Variants in CEACAM21 observed in about 807,000 individuals in gnomAD.
CEACAM21 encodes CEA cell adhesion molecule 21.
A neutral mutation model predicts 33.2 loss-of-function variants in CEACAM21; 38 were observed. The observed-to-expected ratio is 1.14, with a 90% CI of 0.88 to 1.50. The LOEUF is 1.50. Ranked by LOEUF, CEACAM21 falls within the 40% of genes most tolerant of loss-of-function variation. CEACAM21 has a pLI of 0.00. For synonymous variants in CEACAM21, 156 were observed against 143.0 expected (o/e 1.09, Z -0.65); for missense variants, 385 against 364.6 (o/e 1.06, Z -0.46).
intron 5 of CEACAM21, 79 bp downstream of exon 5, chr19:41,585,574 A>G (rs2070673333): frequency 3.4e-6 from 5 of 1,472,226 alleles, no homozygotes; most frequent in Non-Finnish European, 4.8e-6. Flanking sequence ...AGTTACACCC[A>G]GGGGCCTCTG....
Position 41,576,300 on chromosome 19 carries a change from A to C in CEACAM21, c.26A>C (p.His9Pro). 1 of 1,613,368 alleles carries C rather than the reference A, an allele frequency of 6.2e-7. No homozygotes were observed. The highest frequency in any genetic ancestry group is 2.2e-5 in the East Asian group (1 of 44,854). Reference sequence around the variant, plus strand: ...ATGGGGCCCCCCTCAGCTTGTCCCCACAGAGAATGCATCCCCTGGCAGGGG... The same window carrying C: ...ATGGGGCCCCCCTCAGCTTGTCCCCCCAGAGAATGCATCCCCTGGCAGGGG... MGPPSACP[H>P]RECIPWQGLL... Residue 9 changes from histidine to proline, a missense_variant, in exon 1 of 7, where the codon CAC (histidine) becomes CCC (proline). By Grantham distance (77) the His-to-Pro change is moderately conservative. Coordinates refer to ENST00000401445, the MANE Select transcript of CEACAM21 (RefSeq NM_001098506.4).
chr19:41,558,546 C>A (rs2041679230), intron 1 of CEACAM21, among the ~76,000 whole-genome samples: 1 of 152,106 alleles, frequency 6.6e-6, no homozygotes. Context: ...ACTCTGGAGG[C>A]TGAGGCAGGA....
chr19:41,577,289 C>A lies in CEACAM21; in HGVS notation c.154C>A (p.His52Asn). ...TGAAGTTGCTGAAGGGGAGAATGTTCATCTCTCTGTGGTTTATCTGCCCGA... is the reference window on the plus strand; with the variant it reads ...TGAAGTTGCTGAAGGGGAGAATGTTAATCTCTCTGTGGTTTATCTGCCCGA... ...PFEVAEGENV[H>N]LSVVYLPENL... is the part of the protein sequence containing the mutation. The change falls in exon 2 of 7, where the codon CAT becomes AAT. Residue 52 changes from histidine (H) to asparagine (N), a missense_variant. By Grantham distance (68) the His-to-Asn change is moderately conservative. Transcript: ENST00000401445. 1.2e-6 allele frequency: 2 copies of A among 1,614,106 alleles called. No homozygotes were observed. Among genetic ancestry groups the A allele is most frequent in the African/African-American group, 2.7e-5 (2 of 75,012 alleles).
chr19:41,585,665 C>T (rs972197684), intron 5 of CEACAM21, among the ~76,000 whole-genome samples, 170 bp downstream of exon 5: 13 of 152,124 alleles, frequency 8.5e-5, no homozygotes, highest in East Asian at 7.7e-4. Context: ...CCCTAACCTC[C>T]GGGCTCTGGG....
intron 2 of CEACAM21, among the ~76,000 whole-genome samples, chr19:41,567,875 A>G (rs1226477407): frequency 6.8e-6 from 1 of 147,570 alleles, no homozygotes; most frequent in Admixed American, 6.7e-5. Context: ...GAATGTGGAG[A>G]AGAAAGGAGG....
At chr19:41,565,683 A>G (rs2042214117) in intron 2 of CEACAM21, 1 of 152,106 alleles carries the variant, frequency 6.6e-6, no homozygotes, top group South Asian at 2.1e-4. Context: ...AAGCTTTTAT[A>G]TAGGCTTACA....
rs1568624835 is a variant in CEACAM21, at chr19:41,585,719, A to G, written c.851-121A>G. The G allele has an allele frequency of 3.4e-6, 4 of 1,182,736 alleles. No individual in the cohort carries two copies. The South Asian group carries it at 5.3e-5, about 16-fold the overall frequency. 73.3% of individuals were successfully genotyped at this position (1,182,736 alleles called of 1,614,324 possible). ...ACCTCACTTGCTTACTTGACCCCTA[A>G]AATAACCTGAGAAAGGCTCCCTCTC... On this transcript the variant is annotated intron_variant, in intron 5 of 6. Transcript: ENST00000401445.
At chr19:41,586,224 C>G in intron 6 of CEACAM21, 1 of 538,598 alleles carries the variant, frequency 1.9e-6, no homozygotes, top group Non-Finnish European at 3.4e-6. Flanking sequence ...TATTCTGGTC[C>G]CTTGGGCCCC....
At chr19:41,580,317 G>C (rs1231161788) in intron 3 of CEACAM21, among the ~76,000 whole-genome samples, 1 of 151,928 alleles carries the variant, frequency 6.6e-6, no homozygotes, top group Admixed American at 6.6e-5. Flanking sequence ...TGATGGGGGG[G>C]GGTTTCTCCC....
chr19:41,564,358 ATTTATTTATTATTTT>A (rs2122184941), intron 1 of CEACAM21, among the ~76,000 whole-genome samples: 1 of 125,858 alleles, frequency 7.9e-6, no homozygotes, highest in African/African-American at 3.2e-5. Context: ...TTATTTATTT[ATTTATTTATTATTTT>A]GCCCTCCTGC....
At chr19:41,553,776 A>G (rs1280747579) in intron 1 of CEACAM21, 20 of 152,124 alleles carry the variant, frequency 1.3e-4, no homozygotes, top group Admixed American at 1.1e-3. Flanking sequence ...TATTAGCTCC[A>G]CAAGTCAAGT....
At chr19:41,574,603 C>T (rs992755023), upstream of CEACAM21, among the ~76,000 whole-genome samples, 2 of 152,032 alleles carry the variant, frequency 1.3e-5, no homozygotes, top group Non-Finnish European at 2.9e-5. Flanking sequence ...ACTTCATCAG[C>T]CACCAGGGAA....
intron 1 of CEACAM21, chr19:41,554,972 A>T (rs1224326283): frequency 6.6e-6 from 1 of 152,080 alleles, no homozygotes; most frequent in East Asian, 1.9e-4. Context: ...CCATCTTCTC[A>T]TAAGAGCTTT....
chr19:41,563,578 C>A (rs1306169081), intron 1 of CEACAM21, among the ~76,000 whole-genome samples: 1 of 152,216 alleles, frequency 6.6e-6, no homozygotes, highest in Non-Finnish European at 1.5e-5. Context: ...AGAGAGGATC[C>A]CCTAGTGGTG....
Position 41,577,579 on chromosome 19 carries a change from CT to C in CEACAM21, c.424+21del. 1.2e-6 allele frequency: 2 copies of C among 1,610,922 alleles called. No homozygotes were observed. The highest frequency in any genetic ancestry group is 1.7e-6 in the Non-Finnish European group (2 of 1,179,444). On this transcript the variant is annotated intron_variant, in intron 2 of 6. Coordinates refer to ENST00000401445, the MANE Select transcript of CEACAM21 (RefSeq NM_001098506.4). ...TATACGGTGAGTGATTCCTCCGTGC[CT>C]CTGGGTGTTGGGGGTCAGTTCTGCT...
At chr19:41,575,779 T>G (rs1379994098), upstream of CEACAM21, among the ~76,000 whole-genome samples, 2 of 152,134 alleles carry the variant, frequency 1.3e-5, no homozygotes, top group African/African-American at 2.4e-5. Flanking sequence ...CATCACCCAG[T>G]GAGCCCCTTT....
chr19:41,561,999 A>T (rs1031586452), intron 1 of CEACAM21, among the ~76,000 whole-genome samples: 2 of 152,200 alleles, frequency 1.3e-5, no homozygotes, highest in Admixed American at 6.5e-5. Context: ...TAATCCCAAC[A>T]CTTTGGGAGG....
intron 3 of CEACAM21, among the ~76,000 whole-genome samples, chr19:41,580,766 T>G (rs1245212172): frequency 6.6e-6 from 1 of 152,230 alleles, no homozygotes; most frequent in South Asian, 2.1e-4. Flanking sequence ...TATGATTGAT[T>G]TAATCATTGG....
intron 1 of CEACAM21, among the ~76,000 whole-genome samples, chr19:41,559,900 G>C (rs1307922822): frequency 6.6e-6 from 1 of 152,230 alleles, no homozygotes; most frequent in Non-Finnish European, 1.5e-5. Flanking sequence ...ATTGAGATCG[G>C]AAGTTAGAGG....
Sources: allele counts gnomAD v4.1 joint callset (sites outside exome capture counted in the v4.1 genomes callset), GRCh38; gene constraint gnomAD v4.1.1; transcripts MANE v1.5; gene names NCBI Gene and HGNC (gene_info 2026-07-23, HGNC 2026-07-21).